CDKAL1: variants seen among roughly 807,000 people sequenced by gnomAD.
CDKAL1 encodes the protein threonylcarbamoyladenosine tRNA methylthiotransferase.
Under a neutral mutation model 68.2 loss-of-function variants are expected in CDKAL1, and 32 were observed. The observed-to-expected ratio is 0.47, with a 90% CI of 0.35 to 0.63. The LOEUF (loss-of-function observed/expected upper bound fraction) is 0.63, where lower values mean the gene tolerates loss of function less well. Among genes scored for constraint, CDKAL1 ranks in the 30% least tolerant of loss-of-function variants. CDKAL1 has a pLI of 0.00. For synonymous variants in CDKAL1, 234 were observed against 244.3 expected, an observed-to-expected ratio of 0.96 and a Z score of 0.39; for missense variants, 606 against 696.7, an observed-to-expected ratio of 0.87 and a Z score of 1.47.
intron 4 of CDKAL1, among the ~76,000 whole-genome samples, chr6:20,640,261 C>T (rs1427611816): frequency 6.6e-6 from 1 of 152,178 alleles, no homozygotes; most frequent in Admixed American, 6.5e-5. Context: ...TTGTATCAAC[C>T]TCCATACCCT....
chr6:21,210,372 G>C (rs972658223), intron 15 of CDKAL1, among the ~76,000 whole-genome samples: 1 of 152,150 alleles, frequency 6.6e-6, no homozygotes, highest in Admixed American at 6.5e-5. Context: ...CCTTCATGAT[G>C]AGGATTAGTA....
chr6:21,085,314 G>A (rs972900875), intron 12 of CDKAL1, among the ~76,000 whole-genome samples: 5 of 152,166 alleles, frequency 3.3e-5, no homozygotes, highest in African/African-American at 7.2e-5. Flanking sequence ...TAATTTGCCT[G>A]GTATTGAGTA....
chr6:20,853,397 A>AC (rs1344277186), intron 9 of CDKAL1, among the ~76,000 whole-genome samples: 1 of 32,230 alleles, frequency 3.1e-5, no homozygotes, highest in Non-Finnish European at 1.5e-4. Context: ...AAAACAAAAA[A>AC]AAAACAAAAA....
At chr6:20,997,532 C>T (rs1289178679) in intron 10 of CDKAL1, among the ~76,000 whole-genome samples, 12 of 52,536 alleles carry the variant, frequency 2.3e-4, no homozygotes, top group East Asian at 5.7e-4. Context: ...TTGAGAACCA[C>T]GGGGGTGGCG....
Position 20,846,168 on chromosome 6 carries a change from A to G in CDKAL1, c.732A>G (p.Gln244=), listed in dbSNP as rs1778368430. 1.3e-6 allele frequency: 2 copies of G among 1,597,254 alleles called. No individual in the cohort carries two copies. Among genetic ancestry groups the G allele is most frequent in the South Asian group, 2.2e-5 (2 of 89,864 alleles). The stretch of plus-strand genomic sequence containing the variant: ...ATGAACTAGTAGATAGAGCCAAACA[A>G]TCTTTTCAAGGTAAGAGTTTCTAGA... ...PIDELVDRAK[Q]SFQEGVCEIW... Residue 244 remains glutamine (Q), a synonymous_variant, in exon 9 of 16, where the codon CAA becomes CAG. Transcript: ENST00000274695.
chr6:21,091,924 T>TCGC lies in CDKAL1; in HGVS notation c.1237-16475_1237-16473dup, dbSNP rs1003635359. 2.5e-5 allele frequency among the ~76,000 whole-genome samples: 3 copies of TCGC among 121,630 alleles called. No homozygotes were observed. The Admixed American group carries it at 3.3e-4, about 13-fold the overall frequency. 79.8% of individuals were successfully genotyped at this position (121,630 alleles called of 152,430 possible). A position where few individuals can be genotyped will look rare whatever the true frequency, so the allele number is the denominator to read the frequency against. On this transcript the variant is annotated intron_variant, in intron 12 of 15. Coordinates refer to ENST00000274695, the MANE Select transcript of CDKAL1 (RefSeq NM_017774.3). ...TTTTTTGAGACGGAGGCTCGCTGTGTCGCCCAGGCTGGAGTGCAGTGGCGT... is the reference window on the plus strand; with the variant it reads ...TTTTTTGAGACGGAGGCTCGCTGTGTCGCCGCCCAGGCTGGAGTGCAGTGGCGT...
Position 21,092,192 on chromosome 6 carries a change from A to C in CDKAL1, c.1237-16209A>C, listed in dbSNP as rs531184814. Among the ~76,000 whole-genome samples, 515 of 135,184 alleles carry C rather than the reference A, an allele frequency of 3.8e-3. 5 individuals carry two copies. The highest frequency in any genetic ancestry group is 0.014 in the African/African-American group (493 of 35,850). The allele number at this position is 135,184 out of a possible 152,430, so 88.7% of individuals were successfully genotyped here. On this transcript the variant is annotated intron_variant, in intron 12 of 15. Transcript: ENST00000274695. ...TGAGCCACTGCGCCTGGCCAGGCTC[A>C]GAACTTTCAATCAGCTTTTTTTTTT...
At chr6:21,130,047 G>A (rs895539246) in intron 13 of CDKAL1, among the ~76,000 whole-genome samples, 8 of 151,886 alleles carry the variant, frequency 5.3e-5, no homozygotes, top group African/African-American at 1.7e-4. Flanking sequence ...ACCACAGGGT[G>A]TTTGTTTTTT....
At chr6:21,153,232 TTTC>T (rs1457163964) in intron 13 of CDKAL1, among the ~76,000 whole-genome samples, 1 of 139,036 alleles carries the variant, frequency 7.2e-6, no homozygotes, top group African/African-American at 2.9e-5. Flanking sequence ...AGGTATGTGA[TTTC>T]TTTTTTTTTT....
chr6:21,159,360 A>G (rs946621728), intron 13 of CDKAL1, among the ~76,000 whole-genome samples: 2 of 152,206 alleles, frequency 1.3e-5, no homozygotes, highest in African/African-American at 4.8e-5. Context: ...TGCTTGGACT[A>G]TGGAAGTTGC....
At chr6:21,002,865 T>A (rs1189754889) in intron 11 of CDKAL1, among the ~76,000 whole-genome samples, 5 of 152,052 alleles carry the variant, frequency 3.3e-5, no homozygotes, top group Non-Finnish European at 7.4e-5. Context: ...GGCTCGCACC[T>A]GTGATCCCAA....
intron 2 of CDKAL1, among the ~76,000 whole-genome samples, chr6:20,538,049 T>G (rs1763245499): frequency 6.6e-6 from 1 of 152,216 alleles, no homozygotes; most frequent in African/African-American, 2.4e-5. Context: ...CAAATGAAAT[T>G]GCTGGCTCGA....
At chr6:20,928,649 A>G (rs1287566201) in intron 9 of CDKAL1, among the ~76,000 whole-genome samples, 1 of 148,182 alleles carries the variant, frequency 6.7e-6, no homozygotes, top group Non-Finnish European at 1.5e-5. Context: ...AAAATCGTTT[A>G]TTCTACTGGA....
intron 4 of CDKAL1, among the ~76,000 whole-genome samples, chr6:20,640,265 A>AT (rs1768111050): frequency 6.6e-6 from 1 of 152,182 alleles, no homozygotes; most frequent in Admixed American, 6.5e-5. Flanking sequence ...ATCAACCTCC[A>AT]TACCCTCCTT....
chr6:20,995,278 C>T (rs1475629395), intron 10 of CDKAL1, among the ~76,000 whole-genome samples: 2 of 152,158 alleles, frequency 1.3e-5, no homozygotes. Context: ...ATTTTGTTCT[C>T]CTCCCATGAA....
chr6:20,541,677 T>G (rs1249343830), intron 2 of CDKAL1, among the ~76,000 whole-genome samples: 2 of 152,062 alleles, frequency 1.3e-5, no homozygotes, highest in Non-Finnish European at 2.9e-5. Context: ...TTTTTTTTTT[T>G]GAGACAGAGT....
At chr6:21,183,834 C>T (rs1230510606) in intron 13 of CDKAL1, among the ~76,000 whole-genome samples, 1 of 152,160 alleles carries the variant, frequency 6.6e-6, no homozygotes, top group Admixed American at 6.5e-5. Flanking sequence ...ACCCAAGCCA[C>T]ATCATTACTG....
chr6:21,155,850 G>A (rs572920031), intron 13 of CDKAL1, among the ~76,000 whole-genome samples: 7 of 152,162 alleles, frequency 4.6e-5, no homozygotes, highest in Non-Finnish European at 7.3e-5. Context: ...GACAGGGACG[G>A]ATCTGAGTAA....
rs564024238 is a variant in CDKAL1, at chr6:20,817,803, C to G, written c.639-28272C>G. On this transcript the variant is annotated intron_variant, in intron 8 of 15. Transcript: ENST00000274695. ...ATAGCTCTGTGTGATCCAAGATATA[C>G]TATTATTTACTTAGAGTTTTTATGG... is the stretch of plus-strand genomic sequence containing the variant. 9.9e-5 allele frequency among the ~76,000 whole-genome samples: 15 copies of G among 152,216 alleles called. No homozygotes were observed. The East Asian group carries it at 2.9e-3, about 29-fold the overall frequency.
Sources: allele counts gnomAD v4.1 joint callset (sites outside exome capture counted in the v4.1 genomes callset), GRCh38; gene constraint gnomAD v4.1.1; transcripts MANE v1.5; gene names NCBI Gene and HGNC (gene_info 2026-07-23, HGNC 2026-07-21).